Variants in ENOX1 observed in about 807,000 individuals in gnomAD.
ENOX1 encodes the protein candidate growth-related and time keeping constitutive hydroquinone (NADH) oxidase.
A neutral mutation model predicts 82.5 loss-of-function variants in ENOX1; 42 were observed. The observed-to-expected ratio is 0.51, with a 90% CI of 0.40 to 0.66. The LOEUF (loss-of-function observed/expected upper bound fraction) is 0.66, where lower values mean the gene tolerates loss of function less well. Ranked by LOEUF, ENOX1 falls within the 30% of genes least tolerant of loss-of-function variation. The probability of loss-of-function intolerance (pLI) is 0.00; values close to 1 mark genes in which losing one functional copy is unlikely to be tolerated. For missense variants in ENOX1, 608 were observed against 811.6 expected, an observed-to-expected ratio of 0.75 and a Z score of 3.05; for synonymous variants, 271 against 282.2, an observed-to-expected ratio of 0.96 and a Z score of 0.40.
chr13:43,420,018 A>C (rs576405712), intron 3 of ENOX1, among the ~76,000 whole-genome samples: 1 of 152,220 alleles, frequency 6.6e-6, no homozygotes, highest in Non-Finnish European at 1.5e-5. Flanking sequence ...ATATGGTATC[A>C]GCAAATTTCT....
intron 11 of ENOX1, among the ~76,000 whole-genome samples, chr13:43,301,827 T>G (rs1161456886): frequency 6.6e-6 from 1 of 152,164 alleles, no homozygotes; most frequent in Non-Finnish European, 1.5e-5. Context: ...CTGAATCTAT[T>G]CCTCAGACAA....
At position 43,636,441 on chromosome 13, in the gene ENOX1, T is replaced by C. The variant is rs148904728; in HGVS notation, c.-219+31038A>G. Among the ~76,000 whole-genome samples the C allele has an allele frequency of 1.9e-3, 296 of 152,308 alleles. 1 individual carries two copies. Among genetic ancestry groups the C allele is most frequent in the African/African-American group, 6.6e-3 (274 of 41,564 alleles). ...TAACTTGCTGTTTGTCTTTGAGCAT[T>C]ATCATTAAACCTTACAGGGTCTTGA... On this transcript the variant is annotated intron_variant, in intron 2 of 16. Coordinates refer to ENST00000690772, the MANE Select transcript of ENOX1 (RefSeq NM_001347969.2).
chr13:43,725,802 C>T (rs948360667), intron 1 of ENOX1, among the ~76,000 whole-genome samples: 1 of 97,386 alleles, frequency 1.0e-5, no homozygotes, highest in South Asian at 3.2e-4. Context: ...CTCGTCTCTA[C>T]AAAAAAAAAA....
chr13:43,614,625 A>C (rs2082331386), intron 2 of ENOX1, among the ~76,000 whole-genome samples: 1 of 136,514 alleles, frequency 7.3e-6, no homozygotes, highest in African/African-American at 2.8e-5. Context: ...CTCCCTGCTC[A>C]CTGTCATCAG....
At chr13:43,775,797 A>G (rs1484239792) in intron 1 of ENOX1, among the ~76,000 whole-genome samples, 1 of 152,166 alleles carries the variant, frequency 6.6e-6, no homozygotes, top group East Asian at 1.9e-4. Context: ...GGGAGCCTGA[A>G]GAGTCACCAC....
chr13:43,222,782 T>C (rs1001002522), intron 16 of ENOX1, among the ~76,000 whole-genome samples: 1 of 152,218 alleles, frequency 6.6e-6, no homozygotes, highest in Non-Finnish European at 1.5e-5. Context: ...CAAATCTATA[T>C]GACAACAAAG....
intron 2 of ENOX1, among the ~76,000 whole-genome samples, chr13:43,521,496 A>C (rs1284675430): frequency 6.6e-6 from 1 of 152,128 alleles, no homozygotes; most frequent in Non-Finnish European, 1.5e-5. Context: ...ATCCCACATA[A>C]GGAGGGCTGC....
In ENOX1 at chr13:43,397,059, G is replaced by A. The variant is rs9567173; in HGVS notation, c.208+14857C>T. Among the ~76,000 whole-genome samples the A allele has an allele frequency of 3.0e-3, 458 of 152,280 alleles. 19 individuals are homozygous for A. The East Asian group carries it at 0.083, about 28-fold the overall frequency. ...TTTCATGCCCTTCCCAGTCTTCTCC[G>A]GTGGGTGAGGCCTGCGGCACACTGG... is the stretch of plus-strand genomic sequence containing the variant. On this transcript the variant is annotated intron_variant, in intron 5 of 16. Coordinates refer to ENST00000690772, the MANE Select transcript of ENOX1 (RefSeq NM_001347969.2).
chr13:43,370,427 C>A (rs1315938195), intron 5 of ENOX1, among the ~76,000 whole-genome samples: 2 of 152,168 alleles, frequency 1.3e-5, no homozygotes, highest in Non-Finnish European at 2.9e-5. Flanking sequence ...ACACTGATTT[C>A]TTCTGAATCC....
intron 2 of ENOX1, among the ~76,000 whole-genome samples, chr13:43,656,042 A>C (rs891364536): frequency 1.2e-4 from 18 of 152,194 alleles, no homozygotes; most frequent in Non-Finnish European, 4.4e-5. Flanking sequence ...TGATGTCTCA[A>C]GTAAGAAACC....
At chr13:43,474,133 A>G (rs567408068) in intron 3 of ENOX1, among the ~76,000 whole-genome samples, 1 of 152,280 alleles carries the variant, frequency 6.6e-6, no homozygotes, top group East Asian at 1.9e-4. Context: ...TCCTTCCACT[A>G]TGTATCATCC....
At chr13:43,321,236 T>C in intron 11 of ENOX1, 2 of 438,570 alleles carry the variant, frequency 4.6e-6, no homozygotes, top group Non-Finnish European at 9.1e-6. Flanking sequence ...CCACACCCTG[T>C]AGCCACTAGA....
intron 2 of ENOX1, among the ~76,000 whole-genome samples, chr13:43,666,265 T>A (rs1576324): frequency 0.26 from 39,956 of 151,952 alleles, 8,164 homozygotes; most frequent in African/African-American, 0.57. Flanking sequence ...GTGAAATAAA[T>A]TGAGGTATGC....
intron 1 of ENOX1, among the ~76,000 whole-genome samples, chr13:43,726,357 T>C (rs758619370): frequency 1.6e-4 from 25 of 151,732 alleles, no homozygotes; most frequent in Non-Finnish European, 2.5e-4. Flanking sequence ...GCTGGTATTA[T>C]AGGCGTGCAT....
chr13:43,253,677 T>G (rs2043587137), intron 14 of ENOX1, among the ~76,000 whole-genome samples: 1 of 152,222 alleles, frequency 6.6e-6, no homozygotes, highest in Non-Finnish European at 1.5e-5. Context: ...GGCTCCTGAG[T>G]AGCATACAGA....
At chr13:43,270,904 G>A (rs1488023065) in intron 12 of ENOX1, among the ~76,000 whole-genome samples, 1 of 152,164 alleles carries the variant, frequency 6.6e-6, no homozygotes, top group Non-Finnish European at 1.5e-5. Flanking sequence ...ATTTAATTGT[G>A]CATCATTGAT....
chr13:43,584,080 A>G lies in ENOX1; in HGVS notation c.-219+83399T>C, dbSNP rs528369541. 5.5e-4 allele frequency among the ~76,000 whole-genome samples: 84 copies of G among 152,370 alleles called. No homozygotes were observed. In the South Asian group the frequency reaches 0.017, roughly 31 times the overall value. On this transcript the variant is annotated intron_variant, in intron 2 of 16. Transcript: ENST00000690772. ...CTGCTACCTTTCCATAGCCAGAATC[A>G]CAGCAGCATGAACTGCACTCAAGCT...
intron 3 of ENOX1, among the ~76,000 whole-genome samples, chr13:43,447,105 G>A (rs1227911615): frequency 6.6e-6 from 1 of 152,158 alleles, no homozygotes; most frequent in East Asian, 1.9e-4. Flanking sequence ...GTACAAAATA[G>A]GAGCTCAAAA....
intron 2 of ENOX1, among the ~76,000 whole-genome samples, chr13:43,595,021 CG>C (rs1566598598): frequency 6.6e-6 from 1 of 151,296 alleles, no homozygotes; most frequent in South Asian, 2.1e-4. Flanking sequence ...ATCAGAGAGG[CG>C]GGTGGAGATC....
Sources: gnomAD v4.1 joint callset for allele counts (sites outside exome capture counted in the v4.1 genomes callset) on GRCh38, gnomAD v4.1.1 for gene constraint, MANE v1.5 for transcripts, NCBI Gene and HGNC (gene_info 2026-07-23, HGNC 2026-07-21) for gene names.